DCAF8L2: variants seen among roughly 807,000 people sequenced by gnomAD.
DCAF8L2 encodes the protein DDB1- and CUL4-associated factor 8-like protein 2.
For missense variants in DCAF8L2, 430 were observed against 490.7 expected, an observed-to-expected ratio of 0.88 and a Z score of 1.17; for synonymous variants, 200 against 190.9, an observed-to-expected ratio of 1.05 and a Z score of -0.39.
intron 1 of DCAF8L2, among the ~76,000 whole-genome samples, chrX:27,620,862 A>G (rs188622772): frequency 1.8e-5 from 2 of 112,348 alleles, no homozygotes; most frequent in African/African-American, 6.5e-5. Context: ...AGAGCTATTT[A>G]TGTACTCATG....
At chrX:27,536,570 C>T in the DCAF8L2 span, among the ~76,000 whole-genome samples, 1 of 111,448 alleles carries the variant, frequency 9.0e-6, no homozygotes, top group Non-Finnish European at 1.9e-5. Flanking sequence ...TCTTGTCACA[C>T]GACCAGGGAA....
chrX:27,599,987 C>T (rs945762328), intron 1 of DCAF8L2, among the ~76,000 whole-genome samples: 1 of 111,911 alleles, frequency 8.9e-6, no homozygotes, highest in African/African-American at 3.2e-5. Flanking sequence ...TAAGATTGGT[C>T]GTTTATTCGG....
the DCAF8L2 span, among the ~76,000 whole-genome samples, chrX:27,523,995 G>A: frequency 1.1e-4 from 12 of 111,709 alleles, no homozygotes; most frequent in African/African-American, 3.6e-4. Context: ...AGTCTCTTTC[G>A]TTGTTGTGTC....
the DCAF8L2 span, among the ~76,000 whole-genome samples, chrX:27,476,473 C>G: frequency 9.0e-6 from 1 of 111,378 alleles, no homozygotes; most frequent in Non-Finnish European, 1.9e-5. Flanking sequence ...CATGCTGATG[C>G]CTTTCAATTA....
the DCAF8L2 span, among the ~76,000 whole-genome samples, chrX:27,491,245 C>G: frequency 8.9e-6 from 1 of 112,176 alleles, no homozygotes; most frequent in Non-Finnish European, 1.9e-5. Context: ...TGTACAGATA[C>G]TTTCCTCCAT....
At chrX:27,714,198 G>GA (rs1282214765) in intron 3 of DCAF8L2, among the ~76,000 whole-genome samples, 1 of 111,225 alleles carries the variant, frequency 9.0e-6, no homozygotes, top group Non-Finnish European at 1.9e-5. Flanking sequence ...TTTTATAATA[G>GA]AAAAAAAGAG....
chrX:27,486,856 T>C, the DCAF8L2 span, among the ~76,000 whole-genome samples: 11 of 111,877 alleles, frequency 9.8e-5, no homozygotes, highest in African/African-American at 3.6e-4. Flanking sequence ...TTATATTACC[T>C]AGATAACTGT....
the DCAF8L2 span, among the ~76,000 whole-genome samples, chrX:27,543,591 G>A: frequency 9.0e-6 from 1 of 111,590 alleles, no homozygotes; most frequent in East Asian, 2.8e-4. Flanking sequence ...GACCCTCTTT[G>A]GAATGGGGGT....
chrX:27,569,782 A>C, the DCAF8L2 span, among the ~76,000 whole-genome samples: 1 of 111,910 alleles, frequency 8.9e-6, no homozygotes, highest in African/African-American at 3.2e-5. Flanking sequence ...TTTGGAATTG[A>C]ATAAAACTCT....
intron 3 of DCAF8L2, among the ~76,000 whole-genome samples, chrX:27,685,847 A>G (rs1322627442): frequency 8.9e-6 from 1 of 112,084 alleles, no homozygotes; most frequent in Non-Finnish European, 1.9e-5. Flanking sequence ...ACAATGGATT[A>G]ATACCAAGAA....
At chrX:27,618,422 C>T (rs967348812) in intron 1 of DCAF8L2, among the ~76,000 whole-genome samples, 2 of 111,571 alleles carry the variant, frequency 1.8e-5, no homozygotes, top group Non-Finnish European at 3.8e-5. Flanking sequence ...GATTACTTAT[C>T]CTCTTCAAAA....
At chrX:27,682,948 T>C (rs1930378013) in intron 3 of DCAF8L2, among the ~76,000 whole-genome samples, 1 of 110,594 alleles carries the variant, frequency 9.0e-6, no homozygotes, top group Admixed American at 9.8e-5. Flanking sequence ...AAACAAGCAG[T>C]AGCTGGCAAC....
chrX:27,682,153 C>G (rs946319348), intron 3 of DCAF8L2, among the ~76,000 whole-genome samples: 6 of 110,899 alleles, frequency 5.4e-5, no homozygotes, highest in Non-Finnish European at 1.1e-4. Context: ...TTTGTAGAGA[C>G]AGGGGCTTGC....
At chrX:27,615,807 C>A (rs187872281) in intron 1 of DCAF8L2, among the ~76,000 whole-genome samples, 4 of 111,191 alleles carry the variant, frequency 3.6e-5, no homozygotes, top group Admixed American at 1.9e-4. Context: ...ATTCAAAGAT[C>A]TACAATGTCA....
the DCAF8L2 span, among the ~76,000 whole-genome samples, chrX:27,486,118 G>A: frequency 9.4e-6 from 1 of 106,841 alleles, no homozygotes; most frequent in African/African-American, 3.4e-5. Context: ...CAATTCTCCT[G>A]CCTCAGCCTC....
At chrX:27,534,687 G>A in the DCAF8L2 span, among the ~76,000 whole-genome samples, 178 of 112,059 alleles carry the variant, frequency 1.6e-3, 1 homozygote, top group African/African-American at 5.0e-3. Flanking sequence ...TTCTTCAGGC[G>A]ATTTCGAAGA....
At chrX:27,643,483 C>A (rs1928820460) in intron 2 of DCAF8L2, among the ~76,000 whole-genome samples, 1 of 110,257 alleles carries the variant, frequency 9.1e-6, no homozygotes, top group South Asian at 3.8e-4. Flanking sequence ...GGTCAGAAAC[C>A]AATAGAGACA....
chrX:27,720,619 C>G (rs6628309), intron 4 of DCAF8L2, among the ~76,000 whole-genome samples: 11,786 of 110,833 alleles, frequency 0.11, 602 homozygotes, highest in East Asian at 0.34. Context: ...ATGACCCACC[C>G]GCCTCGGCCT....
chrX:27,589,879 T>C (rs2147104697), upstream of DCAF8L2, among the ~76,000 whole-genome samples: 1 of 112,099 alleles, frequency 8.9e-6, no homozygotes, highest in Admixed American at 9.5e-5. Flanking sequence ...AAGTTGCTCC[T>C]GAACTGATGA....
Sources: gnomAD v4.1 joint callset for allele counts (sites outside exome capture counted in the v4.1 genomes callset) on GRCh38, gnomAD v4.1.1 for gene constraint, MANE v1.5 for transcripts, NCBI Gene and HGNC (gene_info 2026-07-23, HGNC 2026-07-21) for gene names.